RUNX2: variants seen among roughly 807,000 people sequenced by gnomAD.
RUNX2 encodes RUNX family transcription factor 2.
A neutral mutation model predicts 51.7 loss-of-function variants in RUNX2; 10 were observed. The observed-to-expected ratio is 0.19, with a 90% CI of 0.12 to 0.33. The LOEUF is 0.33. RUNX2 is among the 10% of genes least tolerant of loss of function. The pLI, the probability that RUNX2 is intolerant of heterozygous loss-of-function variation, is 1.00. For missense variants in RUNX2, 562 were observed against 691.3 expected (o/e 0.81, Z 2.10); for synonymous variants, 276 against 273.6 (o/e 1.01, Z -0.09).
intron 6 of RUNX2, 30 bp downstream of exon 6, chr6:45,492,144 T>G: frequency 1.2e-6 from 2 of 1,611,514 alleles, no homozygotes; most frequent in Non-Finnish European, 1.7e-6. Flanking sequence ...TTCACTTGCA[T>G]AGACGCTGGC....
chr6:45,436,512 C>T (rs1798690507), intron 4 of RUNX2, among the ~76,000 whole-genome samples: 1 of 152,132 alleles, frequency 6.6e-6, no homozygotes, highest in Non-Finnish European at 1.5e-5. Flanking sequence ...TTGTTATTCA[C>T]CTTTCCCTAT....
chr6:45,376,617 C>T (rs1183180497), intron 2 of RUNX2, among the ~76,000 whole-genome samples: 3 of 152,166 alleles, frequency 2.0e-5, no homozygotes, highest in Admixed American at 2.0e-4. Flanking sequence ...TTCGCTCCAA[C>T]GTCCCGAATA....
At chr6:45,403,229 CTT>C (rs201142802) in intron 2 of RUNX2, among the ~76,000 whole-genome samples, 36 of 108,840 alleles carry the variant, frequency 3.3e-4, no homozygotes, top group South Asian at 2.4e-3. Flanking sequence ...GTTTGAGTTT[CTT>C]TTTTTTTTTT....
chr6:45,351,167 T>C (rs1275628369), intron 2 of RUNX2, among the ~76,000 whole-genome samples: 1 of 152,110 alleles, frequency 6.6e-6, no homozygotes, highest in African/African-American at 2.4e-5. Context: ...AGGACCACTG[T>C]AATAGCTGGT....
At chr6:45,478,487 C>CAACT (rs1232461068) in intron 5 of RUNX2, among the ~76,000 whole-genome samples, 1 of 152,208 alleles carries the variant, frequency 6.6e-6, no homozygotes, top group Non-Finnish European at 1.5e-5. Context: ...TACAGCCTCA[C>CAACT]AACTAACTTA....
At chr6:45,364,264 TCAATATTGTATA>T (rs1483363701) in intron 2 of RUNX2, among the ~76,000 whole-genome samples, 3 of 152,186 alleles carry the variant, frequency 2.0e-5, no homozygotes, top group Non-Finnish European at 4.4e-5. Context: ...CTAAGTGTTT[TCAATATTGTATA>T]AAGTAAGTTG....
chr6:45,420,847 G>C (rs2150360888), intron 2 of RUNX2, among the ~76,000 whole-genome samples: 1 of 152,230 alleles, frequency 6.6e-6, no homozygotes, highest in East Asian at 1.9e-4. Flanking sequence ...AGACACCCAC[G>C]TGCTCTGACT....
intron 2 of RUNX2, among the ~76,000 whole-genome samples, chr6:45,346,888 T>C (rs1790993665): frequency 6.6e-6 from 1 of 152,084 alleles, no homozygotes; most frequent in South Asian, 2.1e-4. Context: ...CTTAAATGAA[T>C]TAATGAAACA....
intron 2 of RUNX2, chr6:45,420,975 T>C (rs1582091901): frequency 2.6e-5 from 4 of 152,224 alleles, no homozygotes; most frequent in Non-Finnish European, 4.4e-5. Flanking sequence ...CCGCTTTTTT[T>C]CCGCGCTCCT....
chr6:45,397,893 G>T (rs1797616772), intron 2 of RUNX2, among the ~76,000 whole-genome samples: 1 of 152,126 alleles, frequency 6.6e-6, no homozygotes. Flanking sequence ...TTGACCTATT[G>T]AGGTCTTCGA....
intron 5 of RUNX2, among the ~76,000 whole-genome samples, chr6:45,470,150 CA>C (rs1799755841): frequency 6.6e-6 from 1 of 152,138 alleles, no homozygotes; most frequent in South Asian, 2.1e-4. Context: ...TGCTAATCAA[CA>C]AAAGTTCGTT....
intron 5 of RUNX2, among the ~76,000 whole-genome samples, chr6:45,482,760 C>G (rs1396632550): frequency 6.6e-6 from 1 of 152,126 alleles, no homozygotes; most frequent in Non-Finnish European, 1.5e-5. Flanking sequence ...GTAATTATGT[C>G]TCTTGAGTAG....
chr6:45,366,847 G>C (rs1251331104), intron 2 of RUNX2, among the ~76,000 whole-genome samples: 1 of 152,076 alleles, frequency 6.6e-6, no homozygotes, highest in East Asian at 1.9e-4. Flanking sequence ...TTCCCCTCTT[G>C]TCCTACGGCT....
At chr6:45,417,158 T>C (rs1798082667) in intron 2 of RUNX2, among the ~76,000 whole-genome samples, 1 of 152,228 alleles carries the variant, frequency 6.6e-6, no homozygotes, top group South Asian at 2.1e-4. Context: ...CTTACGAATA[T>C]ATTGTATACT....
At chr6:45,430,739 G>A (rs767380461) in intron 3 of RUNX2, among the ~76,000 whole-genome samples, 8 of 152,140 alleles carry the variant, frequency 5.3e-5, no homozygotes, top group Non-Finnish European at 1.2e-4. Flanking sequence ...AGCACACAGG[G>A]GTATTATTGT....
intron 7 of RUNX2, among the ~76,000 whole-genome samples, chr6:45,516,550 C>T (rs1033012875): frequency 2.0e-5 from 3 of 152,188 alleles, no homozygotes; most frequent in African/African-American, 7.2e-5. Flanking sequence ...ATTTAAGTAG[C>T]ACTCCTATCC....
At chr6:45,387,374 C>G (rs1797373149) in intron 2 of RUNX2, among the ~76,000 whole-genome samples, 1 of 152,070 alleles carries the variant, frequency 6.6e-6, no homozygotes, top group African/African-American at 2.4e-5. Flanking sequence ...GTTTAGGAAC[C>G]AGAAGCACAC....
intron 2 of RUNX2, chr6:45,421,157 G>A (rs973047253): frequency 1.3e-5 from 2 of 152,156 alleles, no homozygotes; most frequent in Non-Finnish European, 2.9e-5. Flanking sequence ...AGTCTTAGAT[G>A]TAGAATAGAC....
Position 45,439,022 on chromosome 6 carries a change from G to A in RUNX2, c.685+971G>A, listed in dbSNP as rs190621141. Among the ~76,000 whole-genome samples, 486 of 152,274 alleles carry A rather than the reference G, an allele frequency of 3.2e-3. 9 individuals are homozygous for A. Among genetic ancestry groups the A allele is most frequent in the South Asian group, 4.4e-3 (21 of 4,826 alleles). Reference sequence around the variant, plus strand: ...ATAACAATCAACCTGCATAGACCATGAGAGTGGCATATCTTTTCTTCCCCT... The same window carrying A: ...ATAACAATCAACCTGCATAGACCATAAGAGTGGCATATCTTTTCTTCCCCT... On this transcript the variant is annotated intron_variant, in intron 5 of 8. Coordinates refer to ENST00000647337, the MANE Select transcript of RUNX2 (RefSeq NM_001024630.4).
Sources: allele counts gnomAD v4.1 joint callset (sites outside exome capture counted in the v4.1 genomes callset), GRCh38; gene constraint gnomAD v4.1.1; transcripts MANE v1.5; gene names NCBI Gene and HGNC (gene_info 2026-07-23, HGNC 2026-07-21).